STIM1: variants seen among roughly 807,000 people sequenced by gnomAD.
STIM1 encodes stromal interaction molecule 1.
A neutral mutation model predicts 74.7 loss-of-function variants in STIM1; 25 were observed. The ratio of observed to expected loss-of-function variants is 0.33; its 90% CI spans 0.24 to 0.47. STIM1 has a LOEUF of 0.47. STIM1 is among the 20% of genes least tolerant of loss of function. STIM1 has a pLI of 1.00. For synonymous variants in STIM1, 328 were observed against 348.8 expected (o/e 0.94, Z 0.66); for missense variants, 728 against 920.8 (o/e 0.79, Z 2.71).
intron 1 of STIM1, among the ~76,000 whole-genome samples, chr11:3,966,211 C>T (rs186639781): frequency 6.6e-6 from 1 of 152,312 alleles, no homozygotes; most frequent in East Asian, 1.9e-4. Context: ...CTCACTGTGG[C>T]TCTTTAGCTG....
intron 1 of STIM1, among the ~76,000 whole-genome samples, chr11:3,885,999 G>A (rs1590526740): frequency 6.6e-6 from 1 of 152,154 alleles, no homozygotes; most frequent in Non-Finnish European, 1.5e-5. Flanking sequence ...CAATGAAGGT[G>A]TTGAGGATAT....
intron 1 of STIM1, among the ~76,000 whole-genome samples, chr11:3,961,061 G>C (rs1057167359): frequency 1.3e-5 from 2 of 151,774 alleles, no homozygotes; most frequent in African/African-American, 4.8e-5. Context: ...GTAGTGCAGT[G>C]GTGCAATCAC....
chr11:3,978,178 C>T (rs1234536437), intron 2 of STIM1, among the ~76,000 whole-genome samples: 5 of 144,946 alleles, frequency 3.4e-5, no homozygotes, highest in East Asian at 4.0e-4. Context: ...GACGGAGTTT[C>T]GCTCTTGTTG....
At chr11:4,003,660 T>A (rs2093745222) in intron 2 of STIM1, among the ~76,000 whole-genome samples, 1 of 152,096 alleles carries the variant, frequency 6.6e-6, no homozygotes, top group African/African-American at 2.4e-5. Context: ...CTGGAAGCAT[T>A]CCCTTTGAAA....
At position 3,924,198 on chromosome 11, in the gene STIM1, C is replaced by T. The variant is rs1043235982; in HGVS notation, c.140-43354C>T. On this transcript the variant is annotated intron_variant, in intron 1 of 12. Coordinates refer to ENST00000526596, the MANE Select transcript of STIM1 (RefSeq NM_001382567.1). ...AGTGGTCTTATATATCTTTTTTTTT[C>T]TTTTCTTTTTTTTTTTTTGAGATGG... Among the ~76,000 whole-genome samples the T allele has an allele frequency of 4.2e-3, 579 of 137,082 alleles. 2 individuals carry two copies. Among genetic ancestry groups the T allele is most frequent in the South Asian group, 7.4e-3 (32 of 4,310 alleles). The allele number at this position is 137,082 out of a possible 152,430, so 89.9% of individuals were successfully genotyped here.
chr11:3,918,485 A>G (rs888912388), intron 1 of STIM1, among the ~76,000 whole-genome samples: 1 of 151,888 alleles, frequency 6.6e-6, no homozygotes, highest in African/African-American at 2.4e-5. Context: ...GCAGTGAGCC[A>G]AGATCAGACC....
In STIM1 at chr11:3,878,047, G is replaced by A. The variant is rs1163446968; in HGVS notation, c.139+21638G>A. Among the ~76,000 whole-genome samples, 9 of 152,204 alleles carry A rather than the reference G, an allele frequency of 5.9e-5. No homozygotes were observed. The East Asian group carries it at 1.7e-3, about 29-fold the overall frequency. On this transcript the variant is annotated intron_variant, in intron 1 of 12. Transcript: ENST00000526596. ...CATGTTCCTGGATAGGAGTGGTCAA[G>A]CGTTGGTAAGTTAGACTTGGTTTGG...
intron 2 of STIM1, among the ~76,000 whole-genome samples, chr11:4,012,966 G>T (rs12223017): frequency 0.038 from 5,743 of 152,070 alleles, 258 homozygotes; most frequent in East Asian, 0.19. Flanking sequence ...GGCCTTTTCT[G>T]CATCTATTGA....
At chr11:4,082,786 T>C in intron 8 of STIM1, 96 bp from the exon 9 acceptor site, 1 of 955,242 alleles carries the variant, frequency 1.0e-6, no homozygotes, top group Non-Finnish European at 1.7e-6. Context: ...TCAGTTGTGC[T>C]AGGAGGAGTG....
At chr11:4,074,117 T>C (rs750062486) in intron 6 of STIM1, among the ~76,000 whole-genome samples, 1 of 152,234 alleles carries the variant, frequency 6.6e-6, no homozygotes, top group Non-Finnish European at 1.5e-5. Context: ...TCCTACAAGT[T>C]GCAAGACTCT....
chr11:3,984,803 A>G (rs1235389117), intron 2 of STIM1, among the ~76,000 whole-genome samples: 1 of 152,228 alleles, frequency 6.6e-6, no homozygotes, highest in Admixed American at 6.5e-5. Context: ...AATGATGACA[A>G]TAAGATACTC....
chr11:3,963,872 A>C (rs2093314424), intron 1 of STIM1, among the ~76,000 whole-genome samples: 1 of 152,212 alleles, frequency 6.6e-6, no homozygotes, highest in South Asian at 2.1e-4. Context: ...TGATTGGATT[A>C]TACCTCCTAT....
intron 2 of STIM1, among the ~76,000 whole-genome samples, chr11:4,014,616 T>TA (rs2093877233): frequency 2.0e-5 from 3 of 152,230 alleles, no homozygotes; most frequent in Non-Finnish European, 4.4e-5. Flanking sequence ...GTTAATTTTC[T>TA]GTCTTGTTTA....
intron 4 of STIM1, chr11:4,058,886 G>T (rs1590681351): frequency 1.9e-6 from 2 of 1,077,108 alleles, no homozygotes; most frequent in East Asian, 6.9e-5. Flanking sequence ...GAATCACTGG[G>T]TCATATGACA....
At chr11:3,892,885 CACGGCTGATAGT>C in intron 1 of STIM1, 3 of 1,537,474 alleles carry the variant, frequency 2.0e-6, no homozygotes, top group Non-Finnish European at 2.7e-6. Flanking sequence ...TGGGGTTAAC[CACGGCTGATAGT>C]ACGGGGCTCC....
chr11:3,891,132 A>G (rs80300289), intron 1 of STIM1, among the ~76,000 whole-genome samples: 2,503 of 152,298 alleles, frequency 0.016, 71 homozygotes, highest in African/African-American at 0.058. Flanking sequence ...CACAGCAGTC[A>G]ATGACATAGA....
intron 1 of STIM1, among the ~76,000 whole-genome samples, chr11:3,917,744 T>A (rs1163666576): frequency 6.6e-6 from 1 of 152,124 alleles, no homozygotes. Flanking sequence ...TTGTTTTGTT[T>A]TTGAAGATGA....
chr11:4,029,621 G>A (rs368143927), intron 3 of STIM1, among the ~76,000 whole-genome samples: 349 of 151,752 alleles, frequency 2.3e-3, no homozygotes, highest in African/African-American at 7.8e-3. Flanking sequence ...CAGAGTGTGC[G>A]TGTGTATGTG....
intron 1 of STIM1, among the ~76,000 whole-genome samples, chr11:3,874,598 G>A (rs577422642): frequency 6.6e-6 from 1 of 152,290 alleles, no homozygotes; most frequent in South Asian, 2.1e-4. Context: ...CTTTTAAGCC[G>A]CTAAGTTCTC....
Sources: gnomAD v4.1 joint callset for allele counts (sites outside exome capture counted in the v4.1 genomes callset) on GRCh38, gnomAD v4.1.1 for gene constraint, MANE v1.5 for transcripts, NCBI Gene and HGNC (gene_info 2026-07-23, HGNC 2026-07-21) for gene names.